CSNK1D: variants seen among roughly 807,000 people sequenced by gnomAD.
The protein encoded by CSNK1D is casein kinase I isoform delta.
CSNK1D carries 16 observed loss-of-function variants against 46.6 expected under a neutral mutation model. That is an observed-to-expected ratio of 0.34 (90% confidence interval 0.23 to 0.52). The LOEUF is 0.52. CSNK1D is among the 20% of genes least tolerant of loss of function. The pLI, the probability that CSNK1D is intolerant of heterozygous loss-of-function variation, is 0.95. For missense variants in CSNK1D, 398 were observed against 578.4 expected (o/e 0.69, Z 3.20); for synonymous variants, 276 against 228.2 (o/e 1.21, Z -1.89).
At chr17:82,241,461 T>C (rs1480099152), downstream of CSNK1D, among the ~76,000 whole-genome samples, 1 of 152,244 alleles carries the variant, frequency 6.6e-6, no homozygotes, top group Non-Finnish European at 1.5e-5. Context: ...CCTCTAACTC[T>C]GTCCGCTCAT....
At chr17:82,247,983 G>A (rs541519080) in intron 8 of CSNK1D, 7 of 985,390 alleles carry the variant, frequency 7.1e-6, no homozygotes, top group South Asian at 4.7e-5. Flanking sequence ...ACCCAGCCCC[G>A]CTCACGGCAG....
rs1034446923 is a variant in CSNK1D at position 82,255,791 on chromosome 17, G to A, written c.188-214C>T. ...ATGGCCTGAGGCAGACGTTGGATGA[G>A]GGCCAAGCAGACAGGAGCTGTAAGG... is the stretch of plus-strand genomic sequence containing the variant. On this transcript the variant is annotated intron_variant, in intron 2 of 8. Transcript: ENST00000314028. This position sits in a 1 kb window ranked among gnomAD's most constrained non-coding sequence, Gnocchi z 5.9. Among the ~76,000 whole-genome samples the A allele has an allele frequency of 6.6e-6, 1 of 152,208 alleles. No individual in the cohort carries two copies. The highest frequency in any genetic ancestry group is 2.4e-5 in the African/African-American group (1 of 41,458).
chr17:82,240,076 C>T (rs2050721065), downstream of CSNK1D: 1 of 1,233,742 alleles, frequency 8.1e-7, no homozygotes, highest in Non-Finnish European at 1.0e-6. Context: ...CAATGAAAAG[C>T]AAGCGAAAAG....
At chr17:82,270,497 C>G (rs116350444) in intron 1 of CSNK1D, among the ~76,000 whole-genome samples, 1,920 of 152,298 alleles carry the variant, frequency 0.013, 47 homozygotes, top group African/African-American at 0.044. Flanking sequence ...AGAATATACA[C>G]GACACACAGA....
intron 2 of CSNK1D, among the ~76,000 whole-genome samples, chr17:82,259,714 G>GT (rs1313390699): frequency 6.6e-6 from 1 of 152,232 alleles, no homozygotes; most frequent in African/African-American, 2.4e-5. Flanking sequence ...CGAAGCTACT[G>GT]TATACAGCTA....
At chr17:82,260,667 T>TG (rs1481688202) in intron 2 of CSNK1D, among the ~76,000 whole-genome samples, 1 of 149,018 alleles carries the variant, frequency 6.7e-6, no homozygotes, top group East Asian at 1.9e-4. Context: ...ATGTGACTGA[T>TG]GGTGTACTGA....
chr17:82,265,310 C>G (rs751597575), intron 2 of CSNK1D: 28 of 332,304 alleles, frequency 8.4e-5, no homozygotes, highest in Non-Finnish European at 1.5e-4. Context: ...TCCCAAACAG[C>G]TGGGATTACA....
intron 2 of CSNK1D, among the ~76,000 whole-genome samples, chr17:82,258,928 G>A (rs1196381792): frequency 6.6e-6 from 1 of 152,242 alleles, no homozygotes; most frequent in Non-Finnish European, 1.5e-5. Flanking sequence ...GGTGTTTGCA[G>A]GGCAAATGGC....
At chr17:82,265,105 C>A (rs1272102068) in intron 2 of CSNK1D, among the ~76,000 whole-genome samples, 1 of 151,448 alleles carries the variant, frequency 6.6e-6, no homozygotes, top group Non-Finnish European at 1.5e-5. Context: ...GGCCTATTCA[C>A]ACACACTCTT....
chr17:82,263,426 G>A (rs565350810), intron 2 of CSNK1D, among the ~76,000 whole-genome samples: 22 of 152,340 alleles, frequency 1.4e-4, no homozygotes, highest in Admixed American at 1.2e-3. Context: ...TTAAGCCAGC[G>A]GCCACAGGGG....
At chr17:82,240,151 T>C (rs58378835), downstream of CSNK1D, 2,685 of 1,029,648 alleles carry the variant, frequency 2.6e-3, 52 homozygotes, top group African/African-American at 0.04. Flanking sequence ...CTTGAGCTCT[T>C]GCAGCCCAGG....
chr17:82,262,017 G>A (rs1270467258), intron 2 of CSNK1D, among the ~76,000 whole-genome samples: 1 of 152,244 alleles, frequency 6.6e-6, no homozygotes, highest in Non-Finnish European at 1.5e-5. Context: ...TTTGGGGGAT[G>A]TTAGGATTGG....
Position 82,273,123 on chromosome 17 carries a change from A to G in CSNK1D, c.76+183T>C. ...TGCCCCTCCCCCACGTCCGCTCCCC[A>G]CTGCCCTCCCCACCCCTGGCCGCGC... On this transcript the variant is annotated intron_variant, in intron 1 of 8. Transcript: ENST00000314028. The surrounding 1 kb of genome is among the most constrained non-coding windows in gnomAD (Gnocchi z 5.1). 3 of 116,510 alleles carry G rather than the reference A, an allele frequency of 2.6e-5. No individual in the cohort carries two copies. Among genetic ancestry groups the G allele is most frequent in the Non-Finnish European group, 4.4e-5 (3 of 68,388 alleles). 7.2% of individuals were successfully genotyped at this position (116,510 alleles called of 1,614,324 possible).
Position 82,265,705 on chromosome 17 carries a change from G to A in CSNK1D, c.168C>T (p.Tyr56=), listed in dbSNP as rs1243325557. 3.1e-6 allele frequency: 5 copies of A among 1,613,922 alleles called. No individual in the cohort carries two copies. The East Asian group carries it at 8.9e-5, about 29-fold the overall frequency. ...HPQLHIESKI[Y]KMMQGGVGIP... ...ACCTACCTCCTCCCTGCATCATCTT[G>A]TAGATTTTGCTCTCAATGTGGAGCT... The change falls in exon 2 of 9, where the codon TAC becomes TAT. Residue 56 remains tyrosine, a synonymous_variant. Transcript: ENST00000314028.
In CSNK1D at chr17:82,244,447, G is replaced by T. The variant is rs1448120297; in HGVS notation, c.*334C>A. On this transcript the variant is annotated 3_prime_UTR_variant, in exon 9 of 9. Coordinates refer to ENST00000314028, the MANE Select transcript of CSNK1D (RefSeq NM_001893.6). The stretch of plus-strand genomic sequence containing the variant: ...CAAGTAGAAGATTGGTAGTTACAGT[G>T]GAATCGTCAGGGAGTACAGGGCGGC... The T allele has an allele frequency of 5.3e-6, 7 of 1,309,870 alleles. No individual in the cohort carries two copies. The South Asian group carries it at 1.2e-4, about 22-fold the overall frequency. The allele number at this position is 1,309,870 out of a possible 1,614,324, so 81.1% of individuals were successfully genotyped here.
chr17:82,244,362 T>A lies in CSNK1D; in HGVS notation c.*419A>T, dbSNP rs932095771. On this transcript the variant is annotated 3_prime_UTR_variant, in exon 9 of 9. Coordinates refer to ENST00000314028, the MANE Select transcript of CSNK1D (RefSeq NM_001893.6). ...AGACAAGAAACAATAAAAAGACAGA[T>A]TTTCTTTACACAGATTTAAGCCAAT... 45 of 1,104,822 alleles carry A rather than the reference T, an allele frequency of 4.1e-5. No individual in the cohort carries two copies. In the African/African-American group the frequency reaches 7.1e-4, roughly 18 times the overall value. 68.4% of individuals were successfully genotyped at this position (1,104,822 alleles called of 1,614,324 possible). A position where few individuals can be genotyped will look rare whatever the true frequency, so the allele number is the denominator to read the frequency against.
chr17:82,269,098 A>C (rs12602799), intron 1 of CSNK1D, among the ~76,000 whole-genome samples: 2 of 138,058 alleles, frequency 1.4e-5, no homozygotes, highest in East Asian at 2.0e-4. Flanking sequence ...CTTTGTCTTA[A>C]AAAAAAAAAA....
At position 82,255,551 on chromosome 17, in the gene CSNK1D, C is replaced by T. The variant is rs769750217; in HGVS notation, c.214G>A (p.Gly72Arg). 5.6e-6 allele frequency: 9 copies of T among 1,613,964 alleles called. No homozygotes were observed. Among genetic ancestry groups the T allele is most frequent in the East Asian group, 2.2e-5 (1 of 44,886 alleles). Residue 72 changes from glycine to arginine, a missense_variant, in exon 3 of 9, where the codon GGG becomes AGG. Transcript: ENST00000314028. The surrounding 1 kb of genome is among the most constrained non-coding windows in gnomAD (Gnocchi z 5.9). ...ATGACGTTGTAGTCCCCCTCTGCCC[C>T]GCACCATCTGATGGTGGGGATGCCC... is the stretch of plus-strand genomic sequence containing the variant. ...GVGIPTIRWC[G>R]AEGDYNVMVM...
Position 82,251,358 on chromosome 17 carries a change from C to T in CSNK1D, c.885+21G>A, listed in dbSNP as rs1447885111. On this transcript the variant is annotated intron_variant, in intron 6 of 8. Coordinates refer to ENST00000314028, the MANE Select transcript of CSNK1D (RefSeq NM_001893.6). The surrounding 1 kb of genome is among the most constrained non-coding windows in gnomAD (Gnocchi z 4.5). ...TCCCCCGCACACCACACTCAGCGAACGTGCTGGCAGTGCGACTTACAAATT... is the reference window on the plus strand; with the variant it reads ...TCCCCCGCACACCACACTCAGCGAATGTGCTGGCAGTGCGACTTACAAATT... 5.0e-6 allele frequency: 8 copies of T among 1,613,926 alleles called. No homozygotes were observed. The highest frequency in any genetic ancestry group is 6.8e-6 in the Non-Finnish European group (8 of 1,179,876).
Sources: allele counts gnomAD v4.1 joint callset (sites outside exome capture counted in the v4.1 genomes callset), GRCh38; gene constraint gnomAD v4.1.1; non-coding constraint Gnocchi (gnomAD v3.1); transcripts MANE v1.5; gene names NCBI Gene and HGNC (gene_info 2026-07-23, HGNC 2026-07-21).